The following ANKRD6 variants were observed in gnomAD, a reference collection of about 807,000 sequenced individuals.
The protein encoded by ANKRD6 is ankyrin repeat domain-containing protein 6.
In ANKRD6, 56 loss-of-function variants were observed where a neutral mutation model predicts 82.3. The ratio of observed to expected loss-of-function variants is 0.68; its 90% confidence interval spans 0.55 to 0.85. The LOEUF is 0.85. ANKRD6 is among the 40% of genes least tolerant of loss of function. ANKRD6 has a pLI of 0.00. For synonymous variants in ANKRD6, 347 were observed against 352.1 expected, an observed-to-expected ratio of 0.99 and a Z score of 0.16; for missense variants, 852 against 907.6, an observed-to-expected ratio of 0.94 and a Z score of 0.79.
At chr6:89,587,408 G>A (rs1454850514) in intron 2 of ANKRD6, among the ~76,000 whole-genome samples, 1 of 152,164 alleles carries the variant, frequency 6.6e-6, no homozygotes, top group East Asian at 1.9e-4. Context: ...AGAATCGCTT[G>A]AACCCGGGAG....
chr6:89,525,708 C>T lies in ANKRD6; in HGVS notation c.-143-41126C>T, dbSNP rs1782415257. 2.0e-5 allele frequency among the ~76,000 whole-genome samples: 3 copies of T among 152,122 alleles called. No homozygotes were observed. The South Asian group carries it at 6.2e-4, about 32-fold the overall frequency. ...AGCTATACATAGTTATGAGGGGAGTCCTGCACATGAACAATGAGTAAACAT... is the reference window on the plus strand; with the variant it reads ...AGCTATACATAGTTATGAGGGGAGTTCTGCACATGAACAATGAGTAAACAT... On this transcript the variant is annotated intron_variant, in intron 1 of 15. Transcript: ENST00000339746.
intron 1 of ANKRD6, among the ~76,000 whole-genome samples, chr6:89,526,117 C>A (rs977260070): frequency 6.6e-6 from 1 of 152,208 alleles, no homozygotes; most frequent in Non-Finnish European, 1.5e-5. Flanking sequence ...CCTTAGTGTT[C>A]GTCTTAGTCG....
At chr6:89,519,279 A>G (rs1257455444) in intron 1 of ANKRD6, among the ~76,000 whole-genome samples, 5 of 152,250 alleles carry the variant, frequency 3.3e-5, no homozygotes, top group Admixed American at 2.6e-4. Context: ...AAAGATCAGA[A>G]GAAGCCAAAG....
chr6:89,587,190 C>CAAAA (rs36065437), intron 2 of ANKRD6, among the ~76,000 whole-genome samples: 3 of 84,280 alleles, frequency 3.6e-5, no homozygotes, highest in Non-Finnish European at 7.3e-5. Context: ...AACTCCGTCT[C>CAAAA]AAAAAAAAAA....
intron 9 of ANKRD6, chr6:89,619,722 A>G (rs1192688165): frequency 3.9e-5 from 6 of 152,222 alleles, no homozygotes; most frequent in African/African-American, 1.4e-4. Flanking sequence ...TGTTACGCAT[A>G]CTGTTCTCTT....
chr6:89,627,664 G>C lies in ANKRD6; in HGVS notation c.1453G>C (p.Asp485His). 1.9e-6 allele frequency: 3 copies of C among 1,613,440 alleles called. No homozygotes were observed. The highest frequency in any genetic ancestry group is 2.5e-6 in the Non-Finnish European group (3 of 1,179,660). ...ECLNRLQQHS[D>H]TEKHEGEKRQ... ...CCTGAACCGCCTGCAACAGCACTCA[G>C]ACACAGAGAAGCATGAGGGGGAGAA... Residue 485 changes from aspartate to histidine, a missense_variant, in exon 14 of 16, where the codon GAC becomes CAC. Coordinates refer to ENST00000339746, the MANE Select transcript of ANKRD6 (RefSeq NM_001242809.2).
At chr6:89,444,340 T>C (rs990377729) in intron 1 of ANKRD6, among the ~76,000 whole-genome samples, 3 of 152,180 alleles carry the variant, frequency 2.0e-5, no homozygotes, top group African/African-American at 7.2e-5. Context: ...CCTGTTGGAT[T>C]TTTATACAAA....
chr6:89,471,223 G>T (rs535112214), intron 1 of ANKRD6, among the ~76,000 whole-genome samples: 1 of 151,964 alleles, frequency 6.6e-6, no homozygotes, highest in Non-Finnish European at 1.5e-5. Context: ...GTGGTGGCAG[G>T]CGCCTGTAAT....
intron 1 of ANKRD6, among the ~76,000 whole-genome samples, chr6:89,441,171 GA>G (rs1771329683): frequency 6.6e-6 from 1 of 151,792 alleles, no homozygotes; most frequent in African/African-American, 2.4e-5. Context: ...TTTTTTTTGA[GA>G]CAGAGTCTCG....
intron 1 of ANKRD6, among the ~76,000 whole-genome samples, chr6:89,453,519 G>C (rs1773111188): frequency 6.6e-6 from 1 of 151,752 alleles, no homozygotes; most frequent in Non-Finnish European, 1.5e-5. Flanking sequence ...TACTCCTTTT[G>C]AAGTTTGGAT....
At chr6:89,533,321 A>G (rs1364521463) in intron 1 of ANKRD6, among the ~76,000 whole-genome samples, 1 of 152,212 alleles carries the variant, frequency 6.6e-6, no homozygotes, top group Non-Finnish European at 1.5e-5. Context: ...GTCCAAGGTC[A>G]TGTAGTCGTA....
intron 1 of ANKRD6, among the ~76,000 whole-genome samples, chr6:89,459,715 T>C (rs1026186687): frequency 6.6e-6 from 1 of 152,134 alleles, no homozygotes; most frequent in African/African-American, 2.4e-5. Context: ...GTTGCACAAG[T>C]TGGTCTTGGA....
intron 2 of ANKRD6, among the ~76,000 whole-genome samples, chr6:89,571,860 C>T (rs938238663): frequency 6.6e-6 from 1 of 152,130 alleles, no homozygotes; most frequent in African/African-American, 2.4e-5. Flanking sequence ...ATACATCCAC[C>T]AGTATAGTAT....
intron 1 of ANKRD6, among the ~76,000 whole-genome samples, chr6:89,455,203 G>C (rs565131755): frequency 6.7e-6 from 1 of 150,250 alleles, no homozygotes; most frequent in African/African-American, 2.5e-5. Flanking sequence ...GGCCATTCTT[G>C]CATTGCTATA....
chr6:89,629,217 T>C lies in ANKRD6; in HGVS notation c.1591T>C (p.Ser531Pro), dbSNP rs1806726690. 1 of 1,613,608 alleles carries C rather than the reference T, an allele frequency of 6.2e-7. No homozygotes were observed. The highest frequency in any genetic ancestry group is 1.3e-5 in the African/African-American group (1 of 74,876). ...GGCCTGCAGAGCTAAATCCACACCA[T>C]CTACTTGTGAGTCCTCTACAGGTAA... ...SRACRAKSTP[S>P]TCESSTGVDQ... Residue 531 changes from serine to proline, a missense_variant, in exon 15 of 16, where the codon TCT becomes CCT. By Grantham distance (74) the Ser-to-Pro change is moderately conservative. Transcript: ENST00000339746.
chr6:89,494,214 G>C lies in ANKRD6; in HGVS notation c.-144+60839G>C, dbSNP rs909316091. Among the ~76,000 whole-genome samples the C allele has an allele frequency of 2.6e-5, 4 of 152,188 alleles. No homozygotes were observed. In the South Asian group the frequency reaches 6.2e-4, roughly 24 times the overall value. On this transcript the variant is annotated intron_variant, in intron 1 of 15. Transcript: ENST00000339746. ...AAAAGGCCATGGGGGTCTGTAGATG[G>C]AAGATTACTAAGAGGAGACATCAAG...
At chr6:89,548,372 T>C (rs958361944) in intron 1 of ANKRD6, among the ~76,000 whole-genome samples, 2 of 152,226 alleles carry the variant, frequency 1.3e-5, no homozygotes, top group African/African-American at 4.8e-5. Flanking sequence ...GTTCATTCCT[T>C]TTTATGGCTG....
chr6:89,627,254 G>A (rs1029393835), intron 13 of ANKRD6, among the ~76,000 whole-genome samples: 5 of 152,046 alleles, frequency 3.3e-5, no homozygotes, highest in Admixed American at 1.3e-4. Flanking sequence ...ATGGGGTTTC[G>A]CCATGTTGGC....
intron 8 of ANKRD6, chr6:89,616,957 G>C: frequency 1.8e-6 from 1 of 545,484 alleles, no homozygotes; most frequent in South Asian, 1.5e-5. Flanking sequence ...GTTACCCAAA[G>C]TGAGTTCCAA....
Sources: gnomAD v4.1 joint callset for allele counts (sites outside exome capture counted in the v4.1 genomes callset) on GRCh38, gnomAD v4.1.1 for gene constraint, MANE v1.5 for transcripts, NCBI Gene and HGNC (gene_info 2026-07-23, HGNC 2026-07-21) for gene names.